The following COL27A1 variants were observed in gnomAD, a reference collection of about 807,000 sequenced individuals.
COL27A1 encodes the protein collagen alpha-1(XXVII) chain.
COL27A1 carries 106 observed loss-of-function variants against 251.3 expected under a neutral mutation model. The ratio of observed to expected loss-of-function variants is 0.42; its 90% CI spans 0.36 to 0.50. The LOEUF is 0.50. Ranked by LOEUF, COL27A1 falls within the 20% of genes least tolerant of loss-of-function variation. COL27A1 has a pLI of 0.00. For synonymous variants in COL27A1, 1,000 were observed against 986.3 expected (o/e 1.01, Z -0.26); for missense variants, 2,325 against 2,522.8 (o/e 0.92, Z 1.68).
intron 49 of COL27A1, among the ~76,000 whole-genome samples, chr9:114,296,557 A>C (rs1314092715): frequency 6.6e-6 from 1 of 152,246 alleles, no homozygotes; most frequent in Non-Finnish European, 1.5e-5. Context: ...AACCATACCA[A>C]GTGTTGGCAA....
At chr9:114,162,865 G>A (rs566667448) in intron 2 of COL27A1, 80 bp downstream of exon 2, 33 of 992,628 alleles carry the variant, frequency 3.3e-5, no homozygotes, top group African/African-American at 2.9e-4. Context: ...GGAGACAGCC[G>A]TGCCTGTAAT....
At chr9:114,194,813 A>G (rs1412087482) in intron 6 of COL27A1, among the ~76,000 whole-genome samples, 1 of 152,310 alleles carries the variant, frequency 6.6e-6, no homozygotes, top group Non-Finnish European at 1.5e-5. Context: ...GTTTCTTGGT[A>G]GCACATGGCC....
At position 114,290,986 on chromosome 9, in the gene COL27A1, C is replaced by T. The variant is rs1005940771; in HGVS notation, c.4476+69C>T. ...GCCTTGATGCAGACTCTAGTGGTTCCGACCCTTTGGGCACCCATGTCCCAG... is the reference window on the plus strand; with the variant it reads ...GCCTTGATGCAGACTCTAGTGGTTCTGACCCTTTGGGCACCCATGTCCCAG... On this transcript the variant is annotated intron_variant, in intron 48 of 60. Transcript: ENST00000356083. This position sits in a 1 kb window ranked among gnomAD's most constrained non-coding sequence, Gnocchi z 4.6. 7.4e-6 allele frequency: 9 copies of T among 1,210,722 alleles called. No individual in the cohort carries two copies. Among genetic ancestry groups the T allele is most frequent in the Admixed American group, 2.3e-5 (1 of 42,668 alleles). 75.0% of individuals were successfully genotyped at this position (1,210,722 alleles called of 1,614,324 possible).
At chr9:114,159,840 T>C (rs2135005975) in intron 1 of COL27A1, among the ~76,000 whole-genome samples, 1 of 152,310 alleles carries the variant, frequency 6.6e-6, no homozygotes, top group East Asian at 1.9e-4. Context: ...GTATTCTCCG[T>C]TTGTGTAATT....
intron 2 of COL27A1, among the ~76,000 whole-genome samples, chr9:114,167,395 TAGTA>T (rs372052983): frequency 3.5e-4 from 53 of 152,294 alleles, no homozygotes; most frequent in Middle Eastern, 3.4e-3. Flanking sequence ...GTCACAAGAT[TAGTA>T]AGTGTTAGAG....
At position 114,301,287 on chromosome 9, in the gene COL27A1, C is replaced by T. The variant is rs1285516059; in HGVS notation, c.4759C>T (p.Pro1587Ser). Residue 1587 changes from proline to serine, a missense_variant, in exon 53 of 61, where the codon CCG (proline) becomes TCG (serine). Transcript: ENST00000356083. Reference protein sequence around the residue: ...GILGPSGLPGPKGDKGSRGDW... With the variant: ...GILGPSGLPGSKGDKGSRGDW... ...ACTGGGCCGTGGTTTGTTGCAGGGT[C>T]CGAAGGGTGACAAAGGCAGCCGTGG... 1 of 1,613,032 alleles carries T rather than the reference C, an allele frequency of 6.2e-7. No individual in the cohort carries two copies. Among genetic ancestry groups the T allele is most frequent in the South Asian group, 1.1e-5 (1 of 90,888 alleles).
intron 12 of COL27A1, among the ~76,000 whole-genome samples, chr9:114,212,339 A>G (rs1293598081): frequency 1.3e-5 from 2 of 152,224 alleles, no homozygotes; most frequent in East Asian, 3.8e-4. Context: ...TCATCCAGTG[A>G]TTATCTGTTC....
At chr9:114,258,083 G>A (rs1195006995) in intron 27 of COL27A1, among the ~76,000 whole-genome samples, 2 of 152,188 alleles carry the variant, frequency 1.3e-5, no homozygotes, top group Non-Finnish European at 2.9e-5. Context: ...TGCAATCCTA[G>A]CTACTCAGGA....
At chr9:114,204,536 C>G (rs1829808731) in intron 7 of COL27A1, among the ~76,000 whole-genome samples, 1 of 152,174 alleles carries the variant, frequency 6.6e-6, no homozygotes, top group African/African-American at 2.4e-5. Context: ...TCTGGATGGC[C>G]TATCCCTCCC....
In COL27A1 at chr9:114,168,354, C is replaced by A. The variant is rs764318865; in HGVS notation, c.799C>A (p.Leu267Ile). 1 of 1,613,398 alleles carries A rather than the reference C, an allele frequency of 6.2e-7. No homozygotes were observed. The highest frequency in any genetic ancestry group is 1.1e-5 in the South Asian group (1 of 91,086). ...TACCTTCCAGTCCGACCTCGCCCTG[C>A]TAGGCCTGGAGAACTTGACCACTGC... Reference protein sequence around the residue: ...PFTFQSDLALLGLENLTTATP... With the variant: ...PFTFQSDLALIGLENLTTATP... Residue 267 changes from leucine (L) to isoleucine (I), a missense_variant, in exon 3 of 61, where the codon CTA becomes ATA. Leu to Ile is a conservative substitution (Grantham distance 5). Around this residue, in one of 4 missense-constraint regions of COL27A1, gnomAD observed 1,183 missense variants for 1,144.1 expected, o/e 1.03. Transcript: ENST00000356083.
chr9:114,156,673 A>C (rs1362509715), intron 1 of COL27A1, among the ~76,000 whole-genome samples: 1 of 152,078 alleles, frequency 6.6e-6, no homozygotes, highest in East Asian at 1.9e-4. Context: ...CTGGGCGATC[A>C]CTGTGCGGAA....
chr9:114,267,019 C>T (rs1469028568), intron 33 of COL27A1, among the ~76,000 whole-genome samples: 1 of 152,156 alleles, frequency 6.6e-6, no homozygotes, highest in Non-Finnish European at 1.5e-5. Flanking sequence ...CTCGCACACC[C>T]CTGCCTTATC....
At chr9:114,264,031 C>T (rs982918138) in intron 28 of COL27A1, among the ~76,000 whole-genome samples, 5 of 152,332 alleles carry the variant, frequency 3.3e-5, no homozygotes, top group Non-Finnish European at 5.9e-5. Context: ...AACTCAATTG[C>T]GGCCCTCAGT....
chr9:114,266,137 A>G (rs1317457336), intron 32 of COL27A1, among the ~76,000 whole-genome samples: 1 of 152,098 alleles, frequency 6.6e-6, no homozygotes, highest in Admixed American at 6.5e-5. Context: ...GCAGGGGAGG[A>G]CAGGAGGCTC....
intron 14 of COL27A1, among the ~76,000 whole-genome samples, chr9:114,230,767 A>G (rs1480093832): frequency 6.6e-6 from 1 of 152,214 alleles, no homozygotes. Context: ...AAATAGTCAA[A>G]TGAAAAGCCC....
At chr9:114,227,553 G>T (rs1831568534) in intron 14 of COL27A1, among the ~76,000 whole-genome samples, 1 of 152,104 alleles carries the variant, frequency 6.6e-6, no homozygotes, top group Non-Finnish European at 1.5e-5. Flanking sequence ...AGCTGGTGAG[G>T]GTCCAAGCCA....
At position 114,168,233 on chromosome 9, in the gene COL27A1, C is replaced by T. The variant is rs369005326; in HGVS notation, c.678C>T (p.His226=). Residue 226 remains histidine, a synonymous_variant, in exon 3 of 61, where the codon CAC becomes CAT. Transcript: ENST00000356083. ...TCTACCCTGTGACGCAGGTCGCTCA[C>T]AATTACTGTACCCACCTGAGGAAGC... The part of the protein sequence containing the change: ...FSIYPVTQVA[H]NYCTHLRKQC... The T allele has an allele frequency of 6.2e-7, 1 of 1,614,072 alleles. No homozygotes were observed. The highest frequency in any genetic ancestry group is 8.5e-7 in the Non-Finnish European group (1 of 1,180,034).
intron 32 of COL27A1, 59 bp from the exon 33 acceptor site, chr9:114,266,506 T>C (rs768852970): frequency 6.7e-7 from 1 of 1,485,216 alleles, no homozygotes; most frequent in Admixed American, 1.7e-5. Flanking sequence ...CCCCTCCAGA[T>C]CCCAAAGAGG....
At chr9:114,192,975 C>T (rs913142769) in intron 5 of COL27A1, among the ~76,000 whole-genome samples, 3 of 152,150 alleles carry the variant, frequency 2.0e-5, no homozygotes, top group Admixed American at 1.3e-4. Context: ...TGGCTCCTTG[C>T]CTGGAAACCT....
Sources: allele counts gnomAD v4.1 joint callset (sites outside exome capture counted in the v4.1 genomes callset), GRCh38; gene constraint gnomAD v4.1.1; regional missense constraint gnomAD v4.1.1; non-coding constraint Gnocchi (gnomAD v3.1); transcripts MANE v1.5; gene names NCBI Gene and HGNC (gene_info 2026-07-23, HGNC 2026-07-21).